The following FAM135B variants were observed in gnomAD, a reference collection of about 807,000 sequenced individuals.
FAM135B encodes the protein family with sequence similarity 135 member B, also known as protein FAM135B.
Under a neutral mutation model 127.7 loss-of-function variants are expected in FAM135B, and 43 were observed. The ratio of observed to expected loss-of-function variants is 0.34; its 90% CI spans 0.26 to 0.43. The LOEUF (loss-of-function observed/expected upper bound fraction) is 0.43, where lower values mean the gene tolerates loss of function less well. FAM135B is among the 20% of genes least tolerant of loss of function. The pLI is 1.00. For missense variants in FAM135B, 1,558 were observed against 1,725.6 expected (o/e 0.90, Z 1.72); for synonymous variants, 670 against 665.1 (o/e 1.01, Z -0.11).
Position 138,142,997 on chromosome 8 carries a change from G to A in FAM135B, c.3638+15C>T, listed in dbSNP as rs775369678. On this transcript the variant is annotated intron_variant, in intron 16 of 19. Coordinates refer to ENST00000395297, the MANE Select transcript of FAM135B (RefSeq NM_015912.4). ...CCTCTTCCCCCAGCATTAACTACCT[G>A]TGGTTTCCTTTTACCTAATTCGGGA... The A allele has an allele frequency of 7.2e-6, 10 of 1,393,148 alleles. No individual in the cohort carries two copies. Among genetic ancestry groups the A allele is most frequent in the Non-Finnish European group, 1.0e-5 (10 of 978,502 alleles). 86.3% of individuals were successfully genotyped at this position (1,393,148 alleles called of 1,614,324 possible). A position where few individuals can be genotyped will look rare whatever the true frequency, so the allele number is the denominator to read the frequency against.
chr8:138,312,774 G>T (rs571942591), intron 2 of FAM135B, among the ~76,000 whole-genome samples: 2 of 152,164 alleles, frequency 1.3e-5, no homozygotes, highest in Admixed American at 1.3e-4. Flanking sequence ...GACTTCAGCA[G>T]GGAGCCAGGC....
At chr8:138,170,996 C>T (rs1396928221) in intron 11 of FAM135B, among the ~76,000 whole-genome samples, 1 of 152,204 alleles carries the variant, frequency 6.6e-6, no homozygotes, top group East Asian at 1.9e-4. Context: ...CTCTCAACAA[C>T]ACCCTCTGCA....
chr8:138,247,640 T>A (rs1399703084), intron 6 of FAM135B, among the ~76,000 whole-genome samples: 1 of 152,174 alleles, frequency 6.6e-6, no homozygotes, highest in Admixed American at 6.5e-5. Flanking sequence ...ACTAATACAC[T>A]TGCTCTCTGC....
In FAM135B at chr8:138,151,202, C is replaced by A; in HGVS notation, c.3273G>T (p.Arg1091Ser). Residue 1091 changes from arginine to serine, a missense_variant, in exon 13 of 20, where the codon AGG becomes AGT. Arg to Ser is a moderately radical substitution (Grantham distance 110, BLOSUM62 -1). Transcript: ENST00000395297. ...CCCGTCAGCCAGCTTACCTAAACAT[C>A]CTCTCACTGACTTCCTCATCCAACG... ...SSTLDEEVSE[R>S]MFSFYQAKEK... 6.5e-7 allele frequency: 1 copy of A among 1,527,814 alleles called. No homozygotes were observed. 94.6% of individuals were successfully genotyped at this position (1,527,814 alleles called of 1,614,324 possible).
chr8:138,236,044 C>T (rs1159112025), intron 7 of FAM135B, among the ~76,000 whole-genome samples: 1 of 152,126 alleles, frequency 6.6e-6, no homozygotes, highest in Non-Finnish European at 1.5e-5. Context: ...AGGCTGGAAA[C>T]AGGTCTGTTG....
chr8:138,421,844 G>GA (rs1043958845), intron 1 of FAM135B, among the ~76,000 whole-genome samples: 2 of 151,964 alleles, frequency 1.3e-5, no homozygotes, highest in East Asian at 1.9e-4. Flanking sequence ...TAAGGAAAAA[G>GA]AAAAAAGCTA....
At chr8:138,396,241 C>T (rs775746849) in intron 1 of FAM135B, among the ~76,000 whole-genome samples, 49 of 152,274 alleles carry the variant, frequency 3.2e-4, no homozygotes, top group Non-Finnish European at 5.6e-4. Flanking sequence ...GCCCTGTGCA[C>T]ATCCTTGACC....
At chr8:138,309,562 G>A (rs1826507722) in intron 3 of FAM135B, among the ~76,000 whole-genome samples, 2 of 152,184 alleles carry the variant, frequency 1.3e-5, no homozygotes, top group Admixed American at 1.3e-4. Flanking sequence ...CTATCATGTG[G>A]CCTGGGGAAC....
chr8:138,462,122 AAAAG>A (rs1837160927), intron 1 of FAM135B, among the ~76,000 whole-genome samples: 1 of 152,224 alleles, frequency 6.6e-6, no homozygotes, highest in Non-Finnish European at 1.5e-5. Flanking sequence ...AATGAGAAGA[AAAAG>A]AAAGAAAACA....
intron 1 of FAM135B, among the ~76,000 whole-genome samples, chr8:138,442,265 T>TATATATATATATATATATATATAC: frequency 7.7e-6 from 1 of 130,522 alleles, no homozygotes; most frequent in Non-Finnish European, 1.6e-5. Context: ...TATATATATA[T>TATATATATATATATATATATATAC]ATATATATAT....
chr8:138,425,966 T>TAC, intron 1 of FAM135B, among the ~76,000 whole-genome samples: 1 of 3,860 alleles, frequency 2.6e-4, no homozygotes, highest in Admixed American at 3.9e-3. Flanking sequence ...CAGGCCAACA[T>TAC]ATATATATAT....
At chr8:138,137,847 C>T (rs1233144469) in intron 18 of FAM135B, among the ~76,000 whole-genome samples, 2 of 152,118 alleles carry the variant, frequency 1.3e-5, no homozygotes, top group South Asian at 2.1e-4. Context: ...TCCCTGCAGG[C>T]CTCAGAGCCC....
intron 1 of FAM135B, among the ~76,000 whole-genome samples, chr8:138,474,047 G>C (rs2131662850): frequency 6.6e-6 from 1 of 152,284 alleles, no homozygotes; most frequent in Middle Eastern, 3.4e-3. Context: ...GTCTCAGGCA[G>C]AACTTTAAAT....
intron 7 of FAM135B, among the ~76,000 whole-genome samples, chr8:138,212,295 A>G (rs1818204990): frequency 6.6e-6 from 1 of 152,174 alleles, no homozygotes; most frequent in Non-Finnish European, 1.5e-5. Context: ...ACTCTAAAGT[A>G]GAAAGAGGGA....
chr8:138,264,147 C>T (rs1156660019), intron 4 of FAM135B, among the ~76,000 whole-genome samples: 1 of 152,186 alleles, frequency 6.6e-6, no homozygotes, highest in Non-Finnish European at 1.5e-5. Flanking sequence ...GGCTCTTTGT[C>T]CTTACTGTGC....
chr8:138,237,453 G>T (rs1378559691), intron 7 of FAM135B, among the ~76,000 whole-genome samples: 1 of 152,130 alleles, frequency 6.6e-6, no homozygotes, highest in African/African-American at 2.4e-5. Flanking sequence ...GAGCCACAGT[G>T]CCCAGCCTGA....
At chr8:138,216,073 A>G (rs1390631027) in intron 7 of FAM135B, among the ~76,000 whole-genome samples, 1 of 152,210 alleles carries the variant, frequency 6.6e-6, no homozygotes, top group Non-Finnish European at 1.5e-5. Flanking sequence ...CTACACCTAC[A>G]GACAAGGAGC....
At position 138,216,608 on chromosome 8, in the gene FAM135B, C is replaced by T. The variant is rs1178107549; in HGVS notation, c.670-18939G>A. On this transcript the variant is annotated intron_variant, in intron 7 of 19. Transcript: ENST00000395297. ...TTCAAAAAGTCAGTCATCTGATGTG[C>T]TGCCTTTCTCACTCATTTGGGCAAT... Among the ~76,000 whole-genome samples the T allele has an allele frequency of 3.9e-5, 6 of 152,214 alleles. No individual in the cohort carries two copies. In the East Asian group the frequency reaches 7.7e-4, roughly 20 times the overall value.
chr8:138,187,442 CACA>C (rs1452136174), intron 9 of FAM135B, among the ~76,000 whole-genome samples: 1 of 152,166 alleles, frequency 6.6e-6, no homozygotes, highest in African/African-American at 2.4e-5. Context: ...ACTTCATCTA[CACA>C]ACAAGGCCAC....
Sources: allele counts gnomAD v4.1 joint callset (sites outside exome capture counted in the v4.1 genomes callset), GRCh38; gene constraint gnomAD v4.1.1; transcripts MANE v1.5; gene names NCBI Gene and HGNC (gene_info 2026-07-23, HGNC 2026-07-21).